Variants in CENPH observed in about 807,000 individuals in gnomAD.
The protein encoded by CENPH is CENP-H.
A neutral mutation model predicts 42.9 loss-of-function variants in CENPH; 40 were observed. The observed-to-expected ratio is 0.93, with a 90% CI of 0.72 to 1.21. The LOEUF is 1.21. Ranked by LOEUF, CENPH falls within the 50% of genes most tolerant of loss-of-function variation. The pLI, the probability that CENPH is intolerant of heterozygous loss-of-function variation, is 0.00. For missense variants in CENPH, 302 were observed against 292.9 expected (o/e 1.03, Z -0.23); for synonymous variants, 88 against 96.5 (o/e 0.91, Z 0.52).
chr5:69,209,391 A>G (rs1224378139), intron 8 of CENPH, among the ~76,000 whole-genome samples: 1 of 151,832 alleles, frequency 6.6e-6, no homozygotes, highest in Non-Finnish European at 1.5e-5. Context: ...TACAAAAATT[A>G]GCCGGGTGTG....
Position 69,208,522 on chromosome 5 carries a change from C to A in CENPH, c.651+163C>A, listed in dbSNP as rs112298462. The stretch of plus-strand genomic sequence containing the variant: ...TACAGGCGTCCACCACCATGCCCGG[C>A]TAATTTTTTAATTTTTAGTAGAGAC... On this transcript the variant is annotated intron_variant, in intron 8 of 8. Transcript: ENST00000283006. Among the ~76,000 whole-genome samples, 774 of 152,150 alleles carry A rather than the reference C, an allele frequency of 5.1e-3. 9 individuals carry two copies. Among genetic ancestry groups the A allele is most frequent in the African/African-American group, 0.018 (742 of 41,514 alleles).
intron 5 of CENPH, chr5:69,197,567 C>G (rs6861518): frequency 6.6e-6 from 1 of 152,200 alleles, no homozygotes. Flanking sequence ...AAACCAAACA[C>G]CGCATGTTCT....
At chr5:69,193,120 T>C (rs1580223193) in intron 2 of CENPH, among the ~76,000 whole-genome samples, 1 of 151,332 alleles carries the variant, frequency 6.6e-6, no homozygotes, top group African/African-American at 2.4e-5. Flanking sequence ...AAACAAAATA[T>C]ATATATATAT....
Position 69,208,304 on chromosome 5 carries a change from G to T in CENPH, c.596G>T (p.Arg199Leu). The stretch of plus-strand genomic sequence containing the variant: ...AACTCAGAGAGGATAAAGATCATAC[G>T]ACAAAACCTACAGATGGAGATAAAA... ...MENSERIKII[R>L]QNLQMEIKIT... The change falls in exon 8 of 9, where the codon CGA becomes CTA. Residue 199 changes from arginine to leucine, a missense_variant. Arg to Leu is a moderately radical substitution (Grantham distance 102). Transcript: ENST00000283006. 1.9e-6 allele frequency: 3 copies of T among 1,601,414 alleles called. No homozygotes were observed. In the South Asian group the frequency reaches 3.3e-5, roughly 18 times the overall value.
chr5:69,204,832 C>T (rs1748123538), intron 7 of CENPH, among the ~76,000 whole-genome samples: 1 of 151,426 alleles, frequency 6.6e-6, no homozygotes, highest in Non-Finnish European at 1.5e-5. Flanking sequence ...TCTTGAACTC[C>T]TGATCTCGTG....
chr5:69,196,983 GT>G, intron 4 of CENPH, 69 bp from the exon 5 acceptor site: 1 of 959,852 alleles, frequency 1.0e-6, no homozygotes, highest in Non-Finnish European at 1.5e-6. Flanking sequence ...TCTTTTTCAT[GT>G]TTTGAATTTT....
intron 2 of CENPH, among the ~76,000 whole-genome samples, chr5:69,194,130 T>C (rs1167226349): frequency 6.6e-6 from 1 of 151,990 alleles, no homozygotes. Flanking sequence ...TATTTGTTGA[T>C]CCCTACACAA....
At chr5:69,200,488 A>G (rs977692896) in intron 5 of CENPH, among the ~76,000 whole-genome samples, 3 of 152,144 alleles carry the variant, frequency 2.0e-5, no homozygotes, top group Non-Finnish European at 4.4e-5. Context: ...TGTCTTCTCA[A>G]ATAAACTTGT....
chr5:69,194,759 TTTG>T, intron 3 of CENPH, 64 bp downstream of exon 3: 1 of 1,091,964 alleles, frequency 9.2e-7, no homozygotes. Context: ...TTTCTATTAT[TTTG>T]TTGTTAGATG....
intron 5 of CENPH, among the ~76,000 whole-genome samples, chr5:69,201,622 G>A (rs1463543916): frequency 6.6e-6 from 1 of 152,182 alleles, no homozygotes; most frequent in East Asian, 1.9e-4. Flanking sequence ...ATTTTGGGAG[G>A]CTGAAGAGGG....
At chr5:69,209,576 T>C in intron 8 of CENPH, 131 bp from the exon 9 acceptor site, 1 of 550,142 alleles carries the variant, frequency 1.8e-6, no homozygotes, top group East Asian at 3.0e-5. Context: ...TATCATTTTT[T>C]TCTTATGATC....
intron 7 of CENPH, 161 bp from the exon 8 acceptor site, chr5:69,208,035 A>G (rs1034773126): frequency 6.9e-6 from 3 of 432,312 alleles, no homozygotes; most frequent in African/African-American, 2.0e-5. Flanking sequence ...GCACCAGGGA[A>G]GTCATTTTCA....
At chr5:69,205,112 G>C (rs992168994) in intron 7 of CENPH, among the ~76,000 whole-genome samples, 2 of 151,158 alleles carry the variant, frequency 1.3e-5, no homozygotes, top group Non-Finnish European at 2.9e-5. Context: ...TAGAGACGGT[G>C]TTTCACCATG....
Position 69,200,776 on chromosome 5 carries a change from C to A in CENPH, c.372-1730C>A, listed in dbSNP as rs1287241351. Among the ~76,000 whole-genome samples the A allele has an allele frequency of 5.3e-5, 5 of 94,204 alleles. No homozygotes were observed. The Admixed American group carries it at 7.2e-4, about 14-fold the overall frequency. The allele number at this position is 94,204 out of a possible 152,430, so 61.8% of individuals were successfully genotyped here. On this transcript the variant is annotated intron_variant, in intron 5 of 8. Coordinates refer to ENST00000283006, the MANE Select transcript of CENPH (RefSeq NM_022909.4). ...TTTGAGACGGAATCTTGCTCTGTCA[C>A]CCAGGCTGGAGTGCAGTGGCACGAT...
At chr5:69,194,764 T>C (rs1399718167) in intron 3 of CENPH, 69 bp downstream of exon 3, 1 of 1,007,106 alleles carries the variant, frequency 9.9e-7, no homozygotes, top group African/African-American at 1.7e-5. Context: ...ATTATTTTGT[T>C]GTTAGATGGA....
chr5:69,193,684 C>T (rs1444505117), intron 2 of CENPH, among the ~76,000 whole-genome samples: 4 of 135,950 alleles, frequency 2.9e-5, no homozygotes, highest in Admixed American at 7.8e-5. Flanking sequence ...TTTTTTGAGA[C>T]GGGGTCTTGT....
intron 3 of CENPH, among the ~76,000 whole-genome samples, chr5:69,195,382 T>C (rs1747947990): frequency 6.6e-6 from 1 of 152,222 alleles, no homozygotes; most frequent in Admixed American, 6.6e-5. Flanking sequence ...CATTTTTCTA[T>C]GCTATAGCAT....
In CENPH at chr5:69,189,659, G is replaced by C. The variant is rs201912817; in HGVS notation, c.25G>C (p.Asp9His). Residue 9 changes from aspartate to histidine, a missense_variant, in exon 1 of 9, where the codon GAC becomes CAC. Coordinates refer to ENST00000283006, the MANE Select transcript of CENPH (RefSeq NM_022909.4). ...AATGGAGGAGCAGCCCCAGATGCAA[G>C]ACGCCGACGAGCCCGCGGACTCCGG... MEEQPQMQ[D>H]ADEPADSGGE... 1.2e-6 allele frequency: 2 copies of C among 1,601,262 alleles called. No individual in the cohort carries two copies. Among genetic ancestry groups the C allele is most frequent in the Non-Finnish European group, 1.7e-6 (2 of 1,175,904 alleles).
chr5:69,200,110 C>CT (rs1395705698), intron 5 of CENPH, among the ~76,000 whole-genome samples: 1 of 122,382 alleles, frequency 8.2e-6, no homozygotes, highest in Non-Finnish European at 1.6e-5. Context: ...GAGACTCTGT[C>CT]TCAAAAAAAA....
Sources: allele counts gnomAD v4.1 joint callset (sites outside exome capture counted in the v4.1 genomes callset), GRCh38; gene constraint gnomAD v4.1.1; transcripts MANE v1.5; gene names NCBI Gene and HGNC (gene_info 2026-07-23, HGNC 2026-07-21).